Variants in SMARCC1 observed in about 807,000 individuals in gnomAD.
SMARCC1 encodes SWI/SNF related BAF chromatin remodeling complex subunit C1, also known as SWI/SNF complex subunit SMARCC1.
SMARCC1 carries 43 observed loss-of-function variants against 147.4 expected under a neutral mutation model. The ratio of observed to expected loss-of-function variants is 0.29; its 90% CI spans 0.23 to 0.38. The LOEUF (loss-of-function observed/expected upper bound fraction) is 0.38, where lower values mean the gene tolerates loss of function less well. Among genes scored for constraint, SMARCC1 ranks in the 10% least tolerant of loss-of-function variants. The pLI is 1.00. For missense variants in SMARCC1, 1,119 were observed against 1,381.1 expected (o/e 0.81, Z 3.01); for synonymous variants, 495 against 484.4 (o/e 1.02, Z -0.29).
At chr3:47,655,817 C>T (rs1247138834) in intron 21 of SMARCC1, among the ~76,000 whole-genome samples, 1 of 152,056 alleles carries the variant, frequency 6.6e-6, no homozygotes. Flanking sequence ...AAAATGACAC[C>T]TATAGTTCTT....
rs915365413 is a variant in SMARCC1, at chr3:47,634,417, T to A, written c.2646+773A>T. Among the ~76,000 whole-genome samples the A allele has an allele frequency of 5.9e-5, 9 of 152,148 alleles. No homozygotes were observed. In the East Asian group the frequency reaches 1.5e-3, roughly 26 times the overall value. ...GAAGTAGTTCACAGTAGCTGAATGA[T>A]CTGGGGAATTAAAGATCATGAAAAA... On this transcript the variant is annotated intron_variant, in intron 24 of 27. Transcript: ENST00000254480.
chr3:47,715,917 A>G (rs1437079795), intron 7 of SMARCC1, among the ~76,000 whole-genome samples: 2 of 152,110 alleles, frequency 1.3e-5, no homozygotes, highest in African/African-American at 4.8e-5. Flanking sequence ...TCTTTGCTCA[A>G]GGAGCCTCTT....
At chr3:47,692,514 T>C (rs1034812022) in intron 12 of SMARCC1, among the ~76,000 whole-genome samples, 2 of 152,228 alleles carry the variant, frequency 1.3e-5, no homozygotes, top group African/African-American at 4.8e-5. Context: ...TTAGAACTAT[T>C]TCCTTAAAAC....
intron 21 of SMARCC1, among the ~76,000 whole-genome samples, chr3:47,644,610 C>A (rs1576397339): frequency 6.6e-6 from 1 of 152,110 alleles, no homozygotes; most frequent in Non-Finnish European, 1.5e-5. Flanking sequence ...CAGGTTCAAG[C>A]GATTCTCGTG....
Position 47,610,000 on chromosome 3 carries a change from C to T in SMARCC1, c.3043+66G>A, listed in dbSNP as rs577642730. 1.7e-5 allele frequency: 26 copies of T among 1,540,912 alleles called. No individual in the cohort carries two copies. The South Asian group carries it at 2.0e-4, about 12-fold the overall frequency. ...AGAAAACACCAACTGTGTGGTTGGC[C>T]CCAATGATGCTCTGTGCCTCTGTAG... On this transcript the variant is annotated intron_variant, in intron 26 of 27. Transcript: ENST00000254480.
Position 47,586,928 on chromosome 3 carries a change from A to G in SMARCC1, c.*1281T>C, listed in dbSNP as rs911561989. The G allele has an allele frequency of 1.3e-5, 2 of 152,360 alleles. No individual in the cohort carries two copies. Among genetic ancestry groups the G allele is most frequent in the African/African-American group, 4.8e-5 (2 of 41,342 alleles). 9.4% of individuals were successfully genotyped at this position (152,360 alleles called of 1,614,324 possible). A position where few individuals can be genotyped will look rare whatever the true frequency, so the allele number is the denominator to read the frequency against. On this transcript the variant is annotated 3_prime_UTR_variant, in exon 28 of 28. Coordinates refer to ENST00000254480, the MANE Select transcript of SMARCC1 (RefSeq NM_003074.4). ...GGCTTGTCCTCTGGAATGGCATTCT[A>G]CCCTCCCAGCCTGAGCACCCCAAAC...
intron 14 of SMARCC1, among the ~76,000 whole-genome samples, chr3:47,683,990 C>T (rs1305952083): frequency 2.0e-5 from 3 of 151,118 alleles, no homozygotes; most frequent in East Asian, 1.9e-4. Flanking sequence ...CGGTGGCTCA[C>T]GCCTGTAATC....
Position 47,622,239 on chromosome 3 carries a change from G to C in SMARCC1, c.2749C>G (p.Leu917Val). The C allele has an allele frequency of 1.2e-6, 2 of 1,604,266 alleles. No individual in the cohort carries two copies. Among genetic ancestry groups the C allele is most frequent in the South Asian group, 1.1e-5 (1 of 88,090 alleles). The change falls in exon 25 of 28, where the codon CTG becomes GTG. Residue 917 changes from leucine (L) to valine (V), a missense_variant. Leu to Val is a conservative substitution (Grantham distance 32, BLOSUM62 1). Coordinates refer to ENST00000254480, the MANE Select transcript of SMARCC1 (RefSeq NM_003074.4). ...TTCTCTCTGTCCATGATAGTTTCCAGCTCTTCAAAATGTCGAAGTTTGATC... is the reference window on the plus strand; with the variant it reads ...TTCTCTCTGTCCATGATAGTTTCCACCTCTTCAAAATGTCGAAGTTTGATC... The part of the protein sequence containing the change: ...LEIKLRHFEE[L>V]ETIMDREKEA...
At chr3:47,719,574 C>A (rs544834955) in intron 7 of SMARCC1, among the ~76,000 whole-genome samples, 181 of 151,742 alleles carry the variant, frequency 1.2e-3, no homozygotes, top group Non-Finnish European at 1.2e-3. Flanking sequence ...GGTTGGGGGG[C>A]ATCTGTAATC....
intron 6 of SMARCC1, among the ~76,000 whole-genome samples, chr3:47,725,191 T>C (rs1398939379): frequency 1.3e-5 from 2 of 151,986 alleles, no homozygotes; most frequent in Non-Finnish European, 2.9e-5. Context: ...TTGAAAATAT[T>C]ATGCTAAATG....
At chr3:47,748,943 G>A (rs563286600) in intron 2 of SMARCC1, among the ~76,000 whole-genome samples, 6 of 152,138 alleles carry the variant, frequency 3.9e-5, no homozygotes, top group Non-Finnish European at 8.8e-5. Flanking sequence ...GCTGAGGCAG[G>A]AGGATCACTT....
At chr3:47,725,696 C>T (rs940952122) in intron 6 of SMARCC1, among the ~76,000 whole-genome samples, 1 of 151,706 alleles carries the variant, frequency 6.6e-6, no homozygotes, top group East Asian at 2.0e-4. Context: ...AGGTGATCCG[C>T]CTGCCTCAGC....
At chr3:47,662,229 A>T in intron 20 of SMARCC1, 105 bp downstream of exon 20, 1 of 986,928 alleles carries the variant, frequency 1.0e-6, no homozygotes. Flanking sequence ...GTAATATCTG[A>T]TTTTTGTTAT....
At chr3:47,708,083 CTTTTTTTTTTTTTTTTTTT>C (rs915291740) in intron 9 of SMARCC1, among the ~76,000 whole-genome samples, 2 of 64,270 alleles carry the variant, frequency 3.1e-5, no homozygotes, top group African/African-American at 6.6e-5. Context: ...AATTTTTTTT[CTTTTTTTTTTTTTTTTTTT>C]TTTTTTTTTT....
intron 9 of SMARCC1, among the ~76,000 whole-genome samples, chr3:47,708,713 G>A (rs2034047638): frequency 6.6e-6 from 1 of 152,100 alleles, no homozygotes; most frequent in South Asian, 2.1e-4. Flanking sequence ...ATTTTGAATA[G>A]TCCAATTCCA....
intron 21 of SMARCC1, among the ~76,000 whole-genome samples, chr3:47,658,655 G>A (rs1460469559): frequency 1.3e-5 from 2 of 152,090 alleles, no homozygotes; most frequent in Non-Finnish European, 2.9e-5. Context: ...ACCACATTTT[G>A]CTTATCACAT....
At chr3:47,726,061 CAAAAAAA>C (rs546659321) in intron 6 of SMARCC1, among the ~76,000 whole-genome samples, 9 of 50,784 alleles carry the variant, frequency 1.8e-4, no homozygotes, top group African/African-American at 6.9e-4. Context: ...GACTCTGTCT[CAAAAAAA>C]AAAAAAAAAA....
intron 21 of SMARCC1, among the ~76,000 whole-genome samples, chr3:47,654,898 A>G (rs1415421108): frequency 6.6e-6 from 1 of 152,196 alleles, no homozygotes; most frequent in African/African-American, 2.4e-5. Context: ...ACACCATAAC[A>G]CTGGGGATCA....
chr3:47,718,567 G>A (rs1238954852), intron 7 of SMARCC1, among the ~76,000 whole-genome samples: 2 of 152,068 alleles, frequency 1.3e-5, no homozygotes, highest in Non-Finnish European at 2.9e-5. Flanking sequence ...AAAAAAAAGT[G>A]GGGGGTAGGG....
Sources: allele counts gnomAD v4.1 joint callset (sites outside exome capture counted in the v4.1 genomes callset), GRCh38; gene constraint gnomAD v4.1.1; transcripts MANE v1.5; gene names NCBI Gene and HGNC (gene_info 2026-07-23, HGNC 2026-07-21).